The following SCD5 variants were observed in gnomAD, a reference collection of about 807,000 sequenced individuals.
SCD5 encodes the protein acyl-CoA-desaturase 4.
SCD5 carries 20 observed loss-of-function variants against 30.4 expected under a neutral mutation model. That is an observed-to-expected ratio of 0.66 (90% CI 0.46 to 0.96). The LOEUF is 0.96. Ranked by LOEUF, SCD5 falls within the 40% of genes least tolerant of loss-of-function variation. The pLI, the probability that SCD5 is intolerant of heterozygous loss-of-function variation, is 0.00. For missense variants in SCD5, 381 were observed against 443.3 expected, an observed-to-expected ratio of 0.86 and a Z score of 1.26; for synonymous variants, 173 against 176.4, an observed-to-expected ratio of 0.98 and a Z score of 0.16.
intron 1 of SCD5, among the ~76,000 whole-genome samples, chr4:82,748,647 C>A (rs1216542467): frequency 1.3e-5 from 2 of 152,160 alleles, no homozygotes; most frequent in African/African-American, 2.4e-5. Flanking sequence ...GATGGTTACC[C>A]ACTATGGACG....
intron 1 of SCD5, among the ~76,000 whole-genome samples, chr4:82,726,217 G>A (rs139643295): frequency 0.091 from 13,902 of 152,114 alleles, 723 homozygotes; most frequent in South Asian, 0.14. Flanking sequence ...TCAGGAGTTC[G>A]AGACAGCCTG....
At chr4:82,633,119 G>C (rs543528316) in intron 4 of SCD5, among the ~76,000 whole-genome samples, 8 of 152,130 alleles carry the variant, frequency 5.3e-5, no homozygotes, top group Non-Finnish European at 1.2e-4. Context: ...CTGAAAATTT[G>C]TACCCTTTGA....
intron 2 of SCD5, among the ~76,000 whole-genome samples, chr4:82,685,471 G>A (rs1281976440): frequency 6.6e-6 from 1 of 152,150 alleles, no homozygotes; most frequent in Non-Finnish European, 1.5e-5. Flanking sequence ...CCAGCACTTT[G>A]AGAGGCCGAG....
In SCD5 at chr4:82,740,930, A is replaced by G. The variant is rs968751993; in HGVS notation, c.233-35517T>C. Among the ~76,000 whole-genome samples, 15 of 95,490 alleles carry G rather than the reference A, an allele frequency of 1.6e-4. No individual in the cohort carries two copies. The East Asian group carries it at 4.0e-3, about 25-fold the overall frequency. The allele number at this position is 95,490 out of a possible 152,430, so 62.6% of individuals were successfully genotyped here. On this transcript the variant is annotated intron_variant, in intron 1 of 4. Coordinates refer to ENST00000319540, the MANE Select transcript of SCD5 (RefSeq NM_001037582.3). ...GACTAAGGTGGAGTCTCTTTTCCCA[A>G]TTCTTTTTTTTTTTTTTCTTTTGAG...
chr4:82,633,451 A>G (rs1400908948), intron 4 of SCD5, among the ~76,000 whole-genome samples: 2 of 152,238 alleles, frequency 1.3e-5, no homozygotes, highest in Non-Finnish European at 2.9e-5. Flanking sequence ...ATGGGAGTAT[A>G]GATATCTCTT....
chr4:82,758,060 C>G (rs1010590064), intron 1 of SCD5, among the ~76,000 whole-genome samples: 3 of 152,196 alleles, frequency 2.0e-5, no homozygotes, highest in Admixed American at 6.5e-5. Context: ...GTGAGTGCAT[C>G]TCTGTGAGGA....
At chr4:82,719,660 C>G (rs1164589614) in intron 1 of SCD5, among the ~76,000 whole-genome samples, 1 of 151,482 alleles carries the variant, frequency 6.6e-6, no homozygotes, top group Non-Finnish European at 1.5e-5. Flanking sequence ...CCCGCTACCA[C>G]GCCCAGCTAA....
At chr4:82,655,846 A>G (rs1432434006) in intron 3 of SCD5, among the ~76,000 whole-genome samples, 1 of 152,016 alleles carries the variant, frequency 6.6e-6, no homozygotes, top group African/African-American at 2.4e-5. Flanking sequence ...GGAGTTTATA[A>G]GGGAACTTAA....
At chr4:82,695,943 TC>T (rs1219221895) in intron 2 of SCD5, among the ~76,000 whole-genome samples, 1 of 152,198 alleles carries the variant, frequency 6.6e-6, no homozygotes, top group Non-Finnish European at 1.5e-5. Flanking sequence ...CTCCACATTG[TC>T]TTTTTATAAG....
chr4:82,767,985 CAA>C (rs1271498580), intron 1 of SCD5, among the ~76,000 whole-genome samples: 2 of 152,152 alleles, frequency 1.3e-5, no homozygotes, highest in Non-Finnish European at 2.9e-5. Context: ...CTATATGACT[CAA>C]GTGTCAAACT....
chr4:82,755,738 C>T lies in SCD5; in HGVS notation c.232+42568G>A, dbSNP rs114425788. Among the ~76,000 whole-genome samples the T allele has an allele frequency of 3.4e-3, 513 of 152,318 alleles. 3 individuals carry two copies. Among genetic ancestry groups the T allele is most frequent in the Middle Eastern group, 6.8e-3 (2 of 294 alleles). On this transcript the variant is annotated intron_variant, in intron 1 of 4. Coordinates refer to ENST00000319540, the MANE Select transcript of SCD5 (RefSeq NM_001037582.3). ...TATTTCATATTTTATTTCTCCTACT[C>T]ATTCTCAAAACCAAACCCTCTAAAG...
intron 1 of SCD5, among the ~76,000 whole-genome samples, chr4:82,735,540 G>A (rs980034247): frequency 2.0e-5 from 3 of 152,212 alleles, no homozygotes; most frequent in Admixed American, 6.5e-5. Context: ...AAACGACGCA[G>A]TGCGAAAGCG....
In SCD5 at chr4:82,705,823, A is replaced by G. The variant is rs142114506; in HGVS notation, c.233-410T>C. Among the ~76,000 whole-genome samples the G allele has an allele frequency of 1.6e-3, 250 of 152,348 alleles. 1 individual carries two copies. Among genetic ancestry groups the G allele is most frequent in the African/African-American group, 5.7e-3 (235 of 41,586 alleles). ...ACAGGGTGAGTGTTATGTGAAGAGC[A>G]TATTTCTAAGTGGCAGTGCCCATTA... On this transcript the variant is annotated intron_variant, in intron 1 of 4. Coordinates refer to ENST00000319540, the MANE Select transcript of SCD5 (RefSeq NM_001037582.3).
At chr4:82,743,004 C>T (rs528805566) in intron 1 of SCD5, among the ~76,000 whole-genome samples, 6 of 152,292 alleles carry the variant, frequency 3.9e-5, no homozygotes, top group South Asian at 4.1e-4. Context: ...GAGAAAGACG[C>T]GTAGACAGAG....
chr4:82,631,569 G>A (rs1577996607), intron 4 of SCD5, 52 bp from the exon 5 acceptor site: 2 of 1,571,564 alleles, frequency 1.3e-6, no homozygotes, highest in East Asian at 4.5e-5. Context: ...TCTCTGCATA[G>A]ATGTTTTGAA....
chr4:82,737,978 C>A (rs1360928503), intron 1 of SCD5, among the ~76,000 whole-genome samples: 1 of 148,490 alleles, frequency 6.7e-6, no homozygotes, highest in African/African-American at 2.5e-5. Flanking sequence ...AATCCACTAT[C>A]TAGAACTATA....
chr4:82,729,864 A>G (rs1720589346), intron 1 of SCD5, among the ~76,000 whole-genome samples: 1 of 152,150 alleles, frequency 6.6e-6, no homozygotes, highest in Admixed American at 6.5e-5. Flanking sequence ...GCACCAGAGG[A>G]GTCTATACAA....
intron 3 of SCD5, among the ~76,000 whole-genome samples, chr4:82,679,165 C>T (rs1419106659): frequency 6.8e-6 from 1 of 146,074 alleles, no homozygotes; most frequent in Non-Finnish European, 1.5e-5. Flanking sequence ...CGCCACTGCA[C>T]TGCAGCCTGG....
chr4:82,659,116 T>C (rs1024440967), intron 3 of SCD5, among the ~76,000 whole-genome samples: 4 of 152,206 alleles, frequency 2.6e-5, no homozygotes, highest in Non-Finnish European at 4.4e-5. Context: ...TCTAGTTTAT[T>C]TGTGTAGAGG....
Sources: gnomAD v4.1 joint callset for allele counts (sites outside exome capture counted in the v4.1 genomes callset) on GRCh38, gnomAD v4.1.1 for gene constraint, MANE v1.5 for transcripts, NCBI Gene and HGNC (gene_info 2026-07-23, HGNC 2026-07-21) for gene names.